The following SPOCK1 variants were observed in gnomAD, a reference collection of about 807,000 sequenced individuals.
SPOCK1 encodes testican-1.
A neutral mutation model predicts 55.3 loss-of-function variants in SPOCK1; 23 were observed. The ratio of observed to expected loss-of-function variants is 0.42; its 90% confidence interval spans 0.30 to 0.59. SPOCK1 has a LOEUF of 0.59. Ranked by LOEUF, SPOCK1 falls within the 20% of genes least tolerant of loss-of-function variation. The pLI, the probability that SPOCK1 is intolerant of heterozygous loss-of-function variation, is 0.22. For synonymous variants in SPOCK1, 226 were observed against 221.0 expected (o/e 1.02, Z -0.20); for missense variants, 499 against 552.5 (o/e 0.90, Z 0.97).
intron 3 of SPOCK1, among the ~76,000 whole-genome samples, chr5:137,260,534 AT>A (rs1292101218): frequency 3.3e-5 from 5 of 152,214 alleles, no homozygotes; most frequent in African/African-American, 1.2e-4. Flanking sequence ...AGAAAAGCAA[AT>A]TAATGATATG....
At chr5:137,182,696 C>T (rs2127065141) in intron 3 of SPOCK1, among the ~76,000 whole-genome samples, 1 of 152,262 alleles carries the variant, frequency 6.6e-6, no homozygotes, top group South Asian at 2.1e-4. Flanking sequence ...ATGGTCTGAC[C>T]CATCCCTCTG....
chr5:137,457,649 C>G (rs1009762895), intron 2 of SPOCK1, among the ~76,000 whole-genome samples: 3 of 152,142 alleles, frequency 2.0e-5, no homozygotes, highest in African/African-American at 7.2e-5. Flanking sequence ...ATCAGTAATT[C>G]AACTAGCCTT....
intron 3 of SPOCK1, among the ~76,000 whole-genome samples, chr5:137,257,468 G>T (rs1042395279): frequency 6.6e-6 from 1 of 152,254 alleles, no homozygotes; most frequent in Non-Finnish European, 1.5e-5. Context: ...GACACAAGGA[G>T]ATGGCCATCC....
At chr5:137,243,841 A>C (rs940198155) in intron 3 of SPOCK1, among the ~76,000 whole-genome samples, 1 of 152,204 alleles carries the variant, frequency 6.6e-6, no homozygotes, top group African/African-American at 2.4e-5. Flanking sequence ...ATAAACTAGC[A>C]GGCCAGCCTC....
At chr5:137,229,518 G>T (rs538498376) in intron 3 of SPOCK1, among the ~76,000 whole-genome samples, 1 of 152,282 alleles carries the variant, frequency 6.6e-6, no homozygotes, top group East Asian at 1.9e-4. Context: ...CACAAGATTA[G>T]GCAAGAGGAG....
intron 6 of SPOCK1, among the ~76,000 whole-genome samples, chr5:137,044,579 C>A (rs1462200785): frequency 3.3e-5 from 5 of 151,992 alleles, no homozygotes. Context: ...AGGACTATTA[C>A]ATGGAAACAT....
At chr5:137,426,658 C>T (rs1752617917) in intron 2 of SPOCK1, among the ~76,000 whole-genome samples, 1 of 152,276 alleles carries the variant, frequency 6.6e-6, no homozygotes, top group Admixed American at 6.5e-5. Flanking sequence ...ACCTATAGGC[C>T]TTGCTCTAAC....
intron 5 of SPOCK1, among the ~76,000 whole-genome samples, chr5:137,099,196 C>T (rs1022138062): frequency 2.0e-5 from 3 of 152,194 alleles, no homozygotes; most frequent in Non-Finnish European, 2.9e-5. Flanking sequence ...GGATCTTTCT[C>T]AGTGAGGGAG....
At chr5:137,453,447 A>G (rs1050718750) in intron 2 of SPOCK1, among the ~76,000 whole-genome samples, 3 of 152,224 alleles carry the variant, frequency 2.0e-5, no homozygotes, top group African/African-American at 7.2e-5. Context: ...AATTCTTCCA[A>G]TGTCTAAGAC....
At chr5:137,133,312 G>T (rs1753918256) in intron 4 of SPOCK1, among the ~76,000 whole-genome samples, 1 of 151,344 alleles carries the variant, frequency 6.6e-6, no homozygotes, top group Non-Finnish European at 1.5e-5. Context: ...GGAGGTTGCA[G>T]TGAGCCAAGA....
chr5:137,187,736 T>C (rs1018486672), intron 3 of SPOCK1, among the ~76,000 whole-genome samples: 5 of 152,030 alleles, frequency 3.3e-5, no homozygotes, highest in Admixed American at 2.6e-4. Context: ...AAATTCAATA[T>C]GTTAATAGGA....
intron 3 of SPOCK1, 52 bp from the exon 4 acceptor site, chr5:137,140,746 A>ATTT: frequency 1.1e-5 from 8 of 704,446 alleles, no homozygotes; most frequent in South Asian, 5.8e-5. Flanking sequence ...AGGGAAATTT[A>ATTT]ATTTTTTTTT....
At chr5:137,356,834 TATATAGAGAG>T (rs1287827462) in intron 2 of SPOCK1, among the ~76,000 whole-genome samples, 1 of 9,456 alleles carries the variant, frequency 1.1e-4, no homozygotes, top group Non-Finnish European at 2.0e-4. Context: ...TATATATATA[TATATAGAGAG>T]AGAGAGAGAG....
chr5:137,132,989 C>A (rs897393021), intron 4 of SPOCK1, among the ~76,000 whole-genome samples: 1 of 152,108 alleles, frequency 6.6e-6, no homozygotes, highest in African/African-American at 2.4e-5. Flanking sequence ...GTACTGAAAG[C>A]AAGGCTTAAA....
chr5:137,132,000 A>ATATATATATG (rs1554099254), intron 4 of SPOCK1, among the ~76,000 whole-genome samples: 2 of 58,062 alleles, frequency 3.4e-5, no homozygotes, highest in African/African-American at 1.6e-4. Flanking sequence ...ATATATATAT[A>ATATATATATG]TATATATATA....
chr5:137,188,671 T>C (rs1047341197), intron 3 of SPOCK1, among the ~76,000 whole-genome samples: 1 of 152,078 alleles, frequency 6.6e-6, no homozygotes, highest in African/African-American at 2.4e-5. Flanking sequence ...GGCCAATTAA[T>C]AACACTACAA....
At chr5:137,054,458 G>A (rs760307810) in intron 6 of SPOCK1, among the ~76,000 whole-genome samples, 3 of 152,204 alleles carry the variant, frequency 2.0e-5, no homozygotes, top group African/African-American at 4.8e-5. Flanking sequence ...AGGGGGACAG[G>A]AGTCTTCCTG....
At chr5:136,986,651 A>G (rs2436438) in intron 8 of SPOCK1, among the ~76,000 whole-genome samples, 117,753 of 151,900 alleles carry the variant, frequency 0.78, 46,988 homozygotes, top group Non-Finnish European at 0.87. Context: ...AAGGTGGTTG[A>G]GAACAAAATT....
At chr5:137,379,903 C>T (rs541798734) in intron 2 of SPOCK1, among the ~76,000 whole-genome samples, 10 of 152,262 alleles carry the variant, frequency 6.6e-5, no homozygotes, top group South Asian at 2.1e-4. Context: ...CATGAGCCCC[C>T]GTGGTGATAG....
Sources: gnomAD v4.1 joint callset for allele counts (sites outside exome capture counted in the v4.1 genomes callset) on GRCh38, gnomAD v4.1.1 for gene constraint, MANE v1.5 for transcripts, NCBI Gene and HGNC (gene_info 2026-07-23, HGNC 2026-07-21) for gene names.